The following EMID1 variants were observed in gnomAD, a reference collection of about 807,000 sequenced individuals.
EMID1 encodes the protein EMI domain containing 1, also known as EMI domain-containing protein 1.
In EMID1, 40 loss-of-function variants were observed where a neutral mutation model predicts 60.6. The ratio of observed to expected loss-of-function variants is 0.66; its 90% CI spans 0.51 to 0.86. EMID1 has a LOEUF of 0.86. EMID1 is among the 40% of genes least tolerant of loss of function. EMID1 has a pLI of 0.00. For synonymous variants in EMID1, 242 were observed against 231.0 expected (o/e 1.05, Z -0.43); for missense variants, 585 against 597.1 (o/e 0.98, Z 0.21).
chr22:29,244,661 AG>A lies in EMID1; in HGVS notation c.1119+1173del, dbSNP rs755874925. On this transcript the variant is annotated intron_variant, in intron 13 of 14. Coordinates refer to ENST00000334018, the MANE Select transcript of EMID1 (RefSeq NM_133455.4). ...CTCAAAAAAAAAAAAAGAAAAGAAA[AG>A]AAAATAGAAACCTTCACAATCATTG... Among the ~76,000 whole-genome samples the A allele has an allele frequency of 2.3e-3, 340 of 151,082 alleles. 6 individuals are homozygous for A. The highest frequency in any genetic ancestry group is 6.9e-3 in the African/African-American group (284 of 41,124).
chr22:29,248,727 G>A (rs2041418043), intron 13 of EMID1, among the ~76,000 whole-genome samples: 1 of 152,120 alleles, frequency 6.6e-6, no homozygotes, highest in African/African-American at 2.4e-5. Context: ...TGTGGTCCCA[G>A]GTACTTGGGA....
intron 13 of EMID1, among the ~76,000 whole-genome samples, chr22:29,249,877 A>G (rs926247385): frequency 6.6e-6 from 1 of 151,918 alleles, no homozygotes; most frequent in African/African-American, 2.4e-5. Context: ...AGCCTCCCAA[A>G]GTGCTGGGAC....
intron 3 of EMID1, among the ~76,000 whole-genome samples, chr22:29,217,696 G>A (rs2040138626): frequency 6.6e-6 from 1 of 152,236 alleles, no homozygotes; most frequent in Admixed American, 6.5e-5. Context: ...AAATGTTGGA[G>A]CCTATGGAGG....
In EMID1 at chr22:29,215,507, C is replaced by T; in HGVS notation, c.216-20C>T. On this transcript the variant is annotated intron_variant, in intron 2 of 14. Transcript: ENST00000334018. ...CATGGAGGACCCTGTCTCAGCTGGG[C>T]CACCTGGGGACTCTTTCAGCTACAG... 1.9e-6 allele frequency: 3 copies of T among 1,609,084 alleles called. 1 individual carries two copies. The highest frequency in any genetic ancestry group is 3.3e-5 in the Admixed American group (2 of 59,994).
chr22:29,253,646 C>T (rs1280938062), intron 13 of EMID1, among the ~76,000 whole-genome samples: 1 of 152,170 alleles, frequency 6.6e-6, no homozygotes, highest in Non-Finnish European at 1.5e-5. Flanking sequence ...TGGATGAAAT[C>T]CCATTGAAAG....
chr22:29,258,781 C>T lies in EMID1; in HGVS notation c.1205-36C>T, dbSNP rs202233319. Reference sequence around the variant, plus strand: ...GGAGGTGGGCACCTCACATGAACCCCTCTAATGTGGCCTCTCTCCTTCTTC... The same window carrying T: ...GGAGGTGGGCACCTCACATGAACCCTTCTAATGTGGCCTCTCTCCTTCTTC... On this transcript the variant is annotated intron_variant, in intron 14 of 14. Transcript: ENST00000334018. 1,131 of 1,612,062 alleles carry T rather than the reference C, an allele frequency of 7.0e-4. 21 individuals are homozygous for T. In the Admixed American group the frequency reaches 0.018, roughly 26 times the overall value.
chr22:29,248,901 T>C (rs1032493228), intron 13 of EMID1, among the ~76,000 whole-genome samples: 3 of 152,172 alleles, frequency 2.0e-5, no homozygotes, highest in African/African-American at 7.2e-5. Flanking sequence ...TTTGGCTCCA[T>C]TATAATCTTA....
At chr22:29,225,616 A>G (rs534785510) in intron 4 of EMID1, among the ~76,000 whole-genome samples, 56 of 152,264 alleles carry the variant, frequency 3.7e-4, no homozygotes, top group Non-Finnish European at 5.9e-4. Context: ...CTTTTTAAAG[A>G]GGAGGAAGCT....
In EMID1 at chr22:29,234,296, C is replaced by T. The variant is rs770522831; in HGVS notation, c.1030-9C>T. On this transcript the variant is annotated splice_polypyrimidine_tract_variant and intron_variant, in intron 11 of 14. Transcript: ENST00000334018. ...AGCTGACGCCATTCGTCTCCTCCCT[C>T]TTACACAGGGACTGCGTGGGGAGCC... 14 of 1,613,968 alleles carry T rather than the reference C, an allele frequency of 8.7e-6. 1 individual carries two copies. In the South Asian group the frequency reaches 1.3e-4, roughly 15 times the overall value.
At chr22:29,215,456 TG>T in intron 2 of EMID1, 70 bp from the exon 3 acceptor site, 1 of 1,483,870 alleles carries the variant, frequency 6.7e-7, no homozygotes, top group Non-Finnish European at 9.4e-7. Flanking sequence ...TTTGTCCCCA[TG>T]GGTGTCCAGG....
chr22:29,226,507 A>C lies in EMID1; in HGVS notation c.421A>C (p.Lys141Gln). 1 of 1,612,072 alleles carries C rather than the reference A, an allele frequency of 6.2e-7. No individual in the cohort carries two copies. Among genetic ancestry groups the C allele is most frequent in the Non-Finnish European group, 8.5e-7 (1 of 1,179,054 alleles). Residue 141 changes from lysine (K) to glutamine (Q), a missense_variant, in exon 5 of 15, where the codon AAA (lysine) becomes CAA (glutamine). Lys to Gln is a moderately conservative substitution (Grantham distance 53). Transcript: ENST00000334018. ...CCCCGCAGGTTGTCTCAACTGCAGC[A>C]AAGTGTCAGAGCTGACAGAGCGGCT... is the stretch of plus-strand genomic sequence containing the variant. ...TAFSGCLNCSKVSELTERLKV... is the reference protein window; with the variant it reads ...TAFSGCLNCSQVSELTERLKV...
chr22:29,233,473 G>T lies in EMID1; in HGVS notation c.913+5G>T. ...CAGGCCCTCCAGGGCCCATGGGTAAGTTGAGTCCAGGCCAGGGGTAAAGGG... is the reference window on the plus strand; with the variant it reads ...CAGGCCCTCCAGGGCCCATGGGTAATTTGAGTCCAGGCCAGGGGTAAAGGG... On this transcript the variant is annotated splice_donor_5th_base_variant and intron_variant, in intron 9 of 14. Transcript: ENST00000334018. 2 of 1,613,932 alleles carry T rather than the reference G, an allele frequency of 1.2e-6. No individual in the cohort carries two copies. Among genetic ancestry groups the T allele is most frequent in the Non-Finnish European group, 1.7e-6 (2 of 1,179,756 alleles).
At chr22:29,229,418 C>T (rs576990473) in intron 5 of EMID1, among the ~76,000 whole-genome samples, 6 of 151,820 alleles carry the variant, frequency 4.0e-5, no homozygotes, top group Admixed American at 2.0e-4. Flanking sequence ...CTGAGGCGGG[C>T]GGATCACATG....
At chr22:29,216,773 A>C in intron 3 of EMID1, 37 of 600,882 alleles carry the variant, frequency 6.2e-5, no homozygotes, top group Non-Finnish European at 7.5e-5. Flanking sequence ...TTCAGAACTC[A>C]CCACGCAGTG....
At chr22:29,253,887 G>A in intron 13 of EMID1, 1 of 985,432 alleles carries the variant, frequency 1.0e-6, no homozygotes, top group Non-Finnish European at 1.2e-6. Context: ...CAGCTTCTGG[G>A]ACTGCCGTTC....
intron 5 of EMID1, 76 bp downstream of exon 5, chr22:29,226,627 C>T (rs2040521138): frequency 1.4e-6 from 2 of 1,464,042 alleles, no homozygotes; most frequent in African/African-American, 1.4e-5. Context: ...CCACCCTCCC[C>T]ACCTCCTTCC....
At chr22:29,258,015 C>A (rs909798) in intron 14 of EMID1, among the ~76,000 whole-genome samples, 1 of 151,986 alleles carries the variant, frequency 6.6e-6, no homozygotes, top group East Asian at 1.9e-4. Context: ...GTCATGATTA[C>A]GACGGACAGC....
intron 13 of EMID1, chr22:29,253,906 A>C (rs569687664): frequency 1.0e-6 from 1 of 985,426 alleles, no homozygotes; most frequent in Non-Finnish European, 1.2e-6. Flanking sequence ...TCTGCCCCTG[A>C]AGATTGGCTC....
chr22:29,244,657 G>C (rs112915091), intron 13 of EMID1, among the ~76,000 whole-genome samples: 1 of 119,134 alleles, frequency 8.4e-6, no homozygotes, highest in Non-Finnish European at 1.8e-5. Context: ...AAAAAGAAAA[G>C]AAAAGAAAAT....
Sources: allele counts gnomAD v4.1 joint callset (sites outside exome capture counted in the v4.1 genomes callset), GRCh38; gene constraint gnomAD v4.1.1; transcripts MANE v1.5; gene names NCBI Gene and HGNC (gene_info 2026-07-23, HGNC 2026-07-21).